The following SP4 variants were observed in gnomAD, a reference collection of about 807,000 sequenced individuals.
SP4 encodes the protein Sp4 transcription factor, also known as transcription factor Sp4.
Under a neutral mutation model 72.8 loss-of-function variants are expected in SP4, and 19 were observed. That is an observed-to-expected ratio of 0.26 (90% confidence interval 0.18 to 0.38). SP4 has a LOEUF of 0.38. SP4 is among the 10% of genes least tolerant of loss of function. SP4 has a pLI of 1.00. For synonymous variants in SP4, 395 were observed against 333.1 expected (o/e 1.19, Z -2.02); for missense variants, 1,008 against 926.3 (o/e 1.09, Z -1.14).
intron 3 of SP4, among the ~76,000 whole-genome samples, chr7:21,453,835 T>C (rs763316867): frequency 2.0e-4 from 30 of 152,336 alleles, no homozygotes; most frequent in Non-Finnish European, 4.3e-4. Flanking sequence ...AGCTAACGTG[T>C]TCACACAGGA....
At chr7:21,486,711 G>A (rs1360472401) in intron 5 of SP4, among the ~76,000 whole-genome samples, 2 of 152,148 alleles carry the variant, frequency 1.3e-5, no homozygotes, top group African/African-American at 4.8e-5. Flanking sequence ...ATTGGTTAAT[G>A]TAGGGTGTGC....
chr7:21,448,501 A>G (rs1046803138), intron 3 of SP4, among the ~76,000 whole-genome samples: 3 of 152,356 alleles, frequency 2.0e-5, no homozygotes, highest in East Asian at 3.9e-4. Context: ...TGGTGAAAAT[A>G]GAAATGGACA....
At position 21,429,663 on chromosome 7, in the gene SP4, AGTAAT is replaced by A. The variant is rs755923701; in HGVS notation, c.499_503del (p.Val167SerfsTer17). 6.2e-7 allele frequency: 1 copy of A among 1,613,848 alleles called. No individual in the cohort carries two copies. Among genetic ancestry groups the A allele is most frequent in the Non-Finnish European group, 8.5e-7 (1 of 1,179,806 alleles). On this transcript the variant is annotated frameshift_variant, in exon 3 of 6. Transcript: ENST00000222584. LOFTEE classifies it high-confidence loss of function. The stretch of plus-strand genomic sequence containing the variant: ...ATCCAAGTGGTAGTGTACAGTACCA[AGTAAT>A]TCCACAACTTCAGACAGTGGAAGGT...
chr7:21,482,764 T>C (rs564628237), intron 5 of SP4: 4 of 978,476 alleles, frequency 4.1e-6, no homozygotes, highest in Non-Finnish European at 4.9e-6. Flanking sequence ...GTGTGTGTTA[T>C]GAAATGTTAC....
chr7:21,508,079 G>A (rs573591178), intron 5 of SP4, among the ~76,000 whole-genome samples: 2 of 152,194 alleles, frequency 1.3e-5, no homozygotes, highest in South Asian at 2.1e-4. Context: ...CGCCTCTGCT[G>A]CCTCCTGAAT....
At chr7:21,506,881 G>A (rs1348583533) in intron 5 of SP4, among the ~76,000 whole-genome samples, 1 of 152,146 alleles carries the variant, frequency 6.6e-6, no homozygotes. Context: ...TCCTACGAGT[G>A]GACTCCTTGA....
At chr7:21,499,247 A>G (rs951672705) in intron 5 of SP4, among the ~76,000 whole-genome samples, 3 of 152,216 alleles carry the variant, frequency 2.0e-5, no homozygotes, top group African/African-American at 7.2e-5. Flanking sequence ...TCTAAATGCC[A>G]CACATTTAAA....
chr7:21,436,635 A>G (rs980623194), intron 3 of SP4, among the ~76,000 whole-genome samples: 5 of 152,104 alleles, frequency 3.3e-5, no homozygotes, highest in African/African-American at 1.2e-4. Flanking sequence ...GTACACATAT[A>G]TGTGCTCTTC....
chr7:21,475,208 G>T lies in SP4; in HGVS notation c.1679-1871G>T, dbSNP rs1253755210. On this transcript the variant is annotated intron_variant, in intron 3 of 5. Transcript: ENST00000222584. ...CGGCTCACTGAAACCTCTGCCTCCC[G>T]GGTTCAAGCGATTCTGCTGCCTCAG... 2.3e-4 allele frequency among the ~76,000 whole-genome samples: 35 copies of T among 150,496 alleles called. 1 individual carries two copies. The highest frequency in any genetic ancestry group is 7.4e-5 in the Non-Finnish European group (5 of 67,714).
chr7:21,483,718 C>T (rs767982530), intron 5 of SP4, among the ~76,000 whole-genome samples: 3 of 151,802 alleles, frequency 2.0e-5, no homozygotes, highest in Non-Finnish European at 4.4e-5. Context: ...TACACCAATG[C>T]TCTTACTATA....
chr7:21,503,910 T>TC, intron 5 of SP4, among the ~76,000 whole-genome samples: 1 of 152,146 alleles, frequency 6.6e-6, no homozygotes, highest in Non-Finnish European at 1.5e-5. Context: ...AAGCCTGGGG[T>TC]CCCCATTGAC....
intron 3 of SP4, among the ~76,000 whole-genome samples, chr7:21,443,200 G>A (rs964469564): frequency 1.3e-5 from 2 of 152,128 alleles, no homozygotes; most frequent in South Asian, 2.1e-4. Context: ...GCATTGCTTA[G>A]TATCTGTCAT....
In SP4 at chr7:21,430,828, A is replaced by G. The variant is rs1368167276; in HGVS notation, c.1663A>G (p.Ile555Val). 2 of 1,611,010 alleles carry G rather than the reference A, an allele frequency of 1.2e-6. No individual in the cohort carries two copies. Among genetic ancestry groups the G allele is most frequent in the Non-Finnish European group, 1.7e-6 (2 of 1,177,894 alleles). Reference protein sequence around the residue: ...GVQVQGVPVTITSVAGQQQGQ... With the variant: ...GVQVQGVPVTVTSVAGQQQGQ... ...TCAAGTGCAGGGAGTTCCCGTTACA[A>G]TCACTAGTGTTGCAGGTAAGTTCTG... is the stretch of plus-strand genomic sequence containing the variant. The change falls in exon 3 of 6, where the codon ATC becomes GTC. Residue 555 changes from isoleucine (I) to valine (V), a missense_variant. Ile to Val is a conservative substitution (Grantham distance 29, BLOSUM62 3). Around this residue, in one of 3 missense-constraint regions of SP4, gnomAD observed 893 missense variants for 743.3 expected, o/e 1.20. Transcript: ENST00000222584.
At chr7:21,494,408 T>C (rs1011219829) in intron 5 of SP4, among the ~76,000 whole-genome samples, 1 of 152,194 alleles carries the variant, frequency 6.6e-6, no homozygotes, top group African/African-American at 2.4e-5. Flanking sequence ...AAAAAGCTTT[T>C]TGAACTAGTG....
At chr7:21,448,743 C>T (rs541180352) in intron 3 of SP4, among the ~76,000 whole-genome samples, 1 of 152,212 alleles carries the variant, frequency 6.6e-6, no homozygotes, top group East Asian at 1.9e-4. Flanking sequence ...TACCTTTACT[C>T]TTTTCTTCTA....
chr7:21,497,199 A>T (rs1362301778), intron 5 of SP4, among the ~76,000 whole-genome samples: 2 of 152,240 alleles, frequency 1.3e-5, no homozygotes, highest in African/African-American at 4.8e-5. Context: ...AGTCAGATTA[A>T]ATATGACAGT....
At chr7:21,457,455 G>C (rs1379193751) in intron 3 of SP4, among the ~76,000 whole-genome samples, 1 of 152,110 alleles carries the variant, frequency 6.6e-6, no homozygotes, top group Admixed American at 6.5e-5. Context: ...ATACTTTACT[G>C]AGTAGATGAA....
intron 3 of SP4, among the ~76,000 whole-genome samples, chr7:21,444,651 G>T (rs551503113): frequency 6.6e-6 from 1 of 152,164 alleles, no homozygotes; most frequent in African/African-American, 2.4e-5. Flanking sequence ...ATATGCCACT[G>T]TTTAAGCACT....
intron 4 of SP4, among the ~76,000 whole-genome samples, chr7:21,481,310 C>G (rs1446213875): frequency 1.3e-5 from 2 of 152,138 alleles, no homozygotes; most frequent in Admixed American, 6.5e-5. Flanking sequence ...CTTAGCTGCA[C>G]CAGTCTCTAA....
Sources: gnomAD v4.1 joint callset for allele counts (sites outside exome capture counted in the v4.1 genomes callset) on GRCh38, gnomAD v4.1.1 for gene constraint, gnomAD v4.1.1 regional missense constraint, MANE v1.5 for transcripts, NCBI Gene and HGNC (gene_info 2026-07-23, HGNC 2026-07-21) for gene names.